Variants in RNF152 observed in about 807,000 individuals in gnomAD.
RNF152 encodes E3 ubiquitin-protein ligase RNF152.
Under a neutral mutation model 12.7 loss-of-function variants are expected in RNF152, and 11 were observed. The ratio of observed to expected loss-of-function variants is 0.86; its 90% confidence interval spans 0.54 to 1.43. RNF152 has a LOEUF of 1.43. Ranked by LOEUF, RNF152 falls within the 40% of genes most tolerant of loss-of-function variation. The pLI is 0.00. For synonymous variants in RNF152, 113 were observed against 120.3 expected, an observed-to-expected ratio of 0.94 and a Z score of 0.40; for missense variants, 255 against 274.8, an observed-to-expected ratio of 0.93 and a Z score of 0.51.
chr18:61,877,995 C>A (rs181801778), intron 1 of RNF152, among the ~76,000 whole-genome samples: 1 of 152,322 alleles, frequency 6.6e-6, no homozygotes. Context: ...AACCCAGGTT[C>A]TTTCTGCCAT....
chr18:61,847,272 C>G (rs1340131938), intron 1 of RNF152, among the ~76,000 whole-genome samples: 1 of 152,164 alleles, frequency 6.6e-6, no homozygotes, highest in African/African-American at 2.4e-5. Flanking sequence ...AACATACAAG[C>G]AAATTGGGGC....
chr18:61,833,452 C>A (rs1910042624), intron 1 of RNF152, among the ~76,000 whole-genome samples: 1 of 152,180 alleles, frequency 6.6e-6, no homozygotes, highest in African/African-American at 2.4e-5. Flanking sequence ...AAATCCAATT[C>A]CAGCTTCTAC....
At chr18:61,846,819 CACTAA>C (rs1480792674) in intron 1 of RNF152, among the ~76,000 whole-genome samples, 2 of 152,268 alleles carry the variant, frequency 1.3e-5, no homozygotes, top group East Asian at 3.9e-4. Context: ...TATCTAGAAG[CACTAA>C]ACTGCCTGCA....
At position 61,810,390 on chromosome 18, in the gene RNF152, A is replaced by C. The variant is rs1912915588; in HGVS notation, c.*5462T>G. 6.6e-6 allele frequency: 1 copy of C among 152,226 alleles called. No individual in the cohort carries two copies. The highest frequency in any genetic ancestry group is 2.4e-5 in the African/African-American group (1 of 41,452). The allele number at this position is 152,226 out of a possible 1,614,324, so 9.4% of individuals were successfully genotyped here. Reference sequence around the variant, plus strand: ...GCTGGGTGCAGTGGCCCATGCCTGTAATCCCAGCACTTTGGGAGGCCGAGG... The same window carrying C: ...GCTGGGTGCAGTGGCCCATGCCTGTCATCCCAGCACTTTGGGAGGCCGAGG... On this transcript the variant is annotated 3_prime_UTR_variant, in exon 2 of 2. Transcript: ENST00000312828.
At chr18:61,882,544 TG>T (rs1381116496) in intron 1 of RNF152, among the ~76,000 whole-genome samples, 1 of 152,242 alleles carries the variant, frequency 6.6e-6, no homozygotes, top group Non-Finnish European at 1.5e-5. Flanking sequence ...TCACTGTTGC[TG>T]GCAATTTGCT....
intron 1 of RNF152, among the ~76,000 whole-genome samples, chr18:61,886,347 G>A (rs1912698661): frequency 6.6e-6 from 1 of 152,130 alleles, no homozygotes; most frequent in South Asian, 2.1e-4. Context: ...GTACAAACAC[G>A]GTGGCAAACA....
upstream of RNF152, chr18:61,893,115 T>A (rs1482463102): frequency 1.3e-5 from 2 of 151,572 alleles, no homozygotes; most frequent in Admixed American, 6.6e-5. Context: ...ACCTCCCCCC[T>A]CCTCCGCAGT....
chr18:61,878,319 T>C (rs1912308452), intron 1 of RNF152, among the ~76,000 whole-genome samples: 1 of 152,108 alleles, frequency 6.6e-6, no homozygotes, highest in Admixed American at 6.5e-5. Flanking sequence ...CACAGGACGG[T>C]CTTCCCACAA....
intron 1 of RNF152, among the ~76,000 whole-genome samples, chr18:61,822,290 T>C (rs899298798): frequency 6.6e-6 from 1 of 152,130 alleles, no homozygotes; most frequent in Non-Finnish European, 1.5e-5. Flanking sequence ...AGTACATAGT[T>C]ACATAAATAA....
rs549635296 is a variant in RNF152 at position 61,809,559 on chromosome 18, A to G, written c.*6293T>C. On this transcript the variant is annotated 3_prime_UTR_variant, in exon 2 of 2. Transcript: ENST00000312828. ...CAAGGAGATTACAGAAGACTTTCACATGGGCTACTAGCCCTACATCCCATG... is the reference window on the plus strand; with the variant it reads ...CAAGGAGATTACAGAAGACTTTCACGTGGGCTACTAGCCCTACATCCCATG... 6.6e-6 allele frequency: 1 copy of G among 152,332 alleles called. No homozygotes were observed. The highest frequency in any genetic ancestry group is 2.1e-4 in the South Asian group (1 of 4,828). The allele number at this position is 152,332 out of a possible 1,614,324, so 9.4% of individuals were successfully genotyped here.
chr18:61,844,209 A>AGGAGGGAGGGAC (rs1910643998), intron 1 of RNF152, among the ~76,000 whole-genome samples: 1 of 92,434 alleles, frequency 1.1e-5, no homozygotes, highest in African/African-American at 3.7e-5. Flanking sequence ...GAGGGAGGGA[A>AGGAGGGAGGGAC]GGAGGGAGGG....
rs979449550 is a variant in RNF152 at position 61,815,090 on chromosome 18, T to C, written c.*762A>G. The stretch of plus-strand genomic sequence containing the variant: ...ATATTTACATTTGAAATTCTTATTT[T>C]GTGAGATGGCTTGAGGAAAATCGGC... On this transcript the variant is annotated 3_prime_UTR_variant, in exon 2 of 2. Coordinates refer to ENST00000312828, the MANE Select transcript of RNF152 (RefSeq NM_173557.3). 1.3e-5 allele frequency: 2 copies of C among 152,636 alleles called. No individual in the cohort carries two copies. Among genetic ancestry groups the C allele is most frequent in the Non-Finnish European group, 2.9e-5 (2 of 68,050 alleles). The allele number at this position is 152,636 out of a possible 1,614,324, so 9.5% of individuals were successfully genotyped here.
chr18:61,815,681 G>T lies in RNF152; in HGVS notation c.*171C>A. The T allele has an allele frequency of 1.5e-6, 1 of 650,336 alleles. No homozygotes were observed. Among genetic ancestry groups the T allele is most frequent in the Non-Finnish European group, 2.6e-6 (1 of 379,566 alleles). 40.3% of individuals were successfully genotyped at this position (650,336 alleles called of 1,614,324 possible). A position where few individuals can be genotyped will look rare whatever the true frequency, so the allele number is the denominator to read the frequency against. On this transcript the variant is annotated 3_prime_UTR_variant, in exon 2 of 2. Coordinates refer to ENST00000312828, the MANE Select transcript of RNF152 (RefSeq NM_173557.3). ...AACAATTCACCTGGTATCTTGTTGA[G>T]ACCGCACCTTCTGCCCTTTGTGTCT...
At position 61,815,404 on chromosome 18, in the gene RNF152, C is replaced by CTGGGTTT. The variant is rs1909013887; in HGVS notation, c.*447_*448insAAACCCA. On this transcript the variant is annotated 3_prime_UTR_variant, in exon 2 of 2. Coordinates refer to ENST00000312828, the MANE Select transcript of RNF152 (RefSeq NM_173557.3). ...TAAAAAGAAAAAAAAAATAAAGAAGCCAGCAGTGCATGTCTTCACTGAATT... is the reference window on the plus strand; with the variant it reads ...TAAAAAGAAAAAAAAAATAAAGAAGCTGGGTTTCAGCAGTGCATGTCTTCACTGAATT... 1 of 152,922 alleles carries CTGGGTTT rather than the reference C, an allele frequency of 6.5e-6. No homozygotes were observed. Among genetic ancestry groups the CTGGGTTT allele is most frequent in the South Asian group, 2.1e-4 (1 of 4,840 alleles). The allele number at this position is 152,922 out of a possible 1,614,324, so 9.5% of individuals were successfully genotyped here.
chr18:61,873,746 G>A (rs113366616), intron 1 of RNF152, among the ~76,000 whole-genome samples: 24 of 152,236 alleles, frequency 1.6e-4, no homozygotes, highest in Non-Finnish European at 2.5e-4. Flanking sequence ...TCAAAAGTCC[G>A]TTATGAACAT....
intron 1 of RNF152, among the ~76,000 whole-genome samples, chr18:61,871,759 G>A (rs1912007043): frequency 6.6e-6 from 1 of 152,170 alleles, no homozygotes; most frequent in Non-Finnish European, 1.5e-5. Flanking sequence ...CCACCTTGGA[G>A]CTGCAGAGCC....
In RNF152 at chr18:61,816,126, A is replaced by G. The variant is rs759676143; in HGVS notation, c.338T>C (p.Leu113Pro). The part of the protein sequence containing the change: ...PLPISKERAL[L>P]PGDMGCRLLP... ...CAGGCGGCAGCCCATGTCTCCGGGC[A>G]GCAGCGCACGCTCCTTGGAGATGGG... Residue 113 changes from leucine (L) to proline (P), a missense_variant, in exon 2 of 2, where the codon CTG (leucine) becomes CCG (proline). Leu to Pro is a moderately conservative substitution (Grantham distance 98). Transcript: ENST00000312828. The G allele has an allele frequency of 2.5e-6, 4 of 1,614,198 alleles. No individual in the cohort carries two copies. Among genetic ancestry groups the G allele is most frequent in the Non-Finnish European group, 3.4e-6 (4 of 1,180,024 alleles).
At chr18:61,844,117 AG>A (rs1189982054) in intron 1 of RNF152, among the ~76,000 whole-genome samples, 8 of 136,816 alleles carry the variant, frequency 5.8e-5, no homozygotes, top group Non-Finnish European at 1.0e-4. Flanking sequence ...AAAGAAAGAA[AG>A]AAAGAAAGAA....
At chr18:61,870,354 T>C (rs1911936272) in intron 1 of RNF152, among the ~76,000 whole-genome samples, 1 of 152,206 alleles carries the variant, frequency 6.6e-6, no homozygotes, top group Non-Finnish European at 1.5e-5. Flanking sequence ...GAAATCTTCA[T>C]GTCTGATGCA....
Sources: allele counts gnomAD v4.1 joint callset (sites outside exome capture counted in the v4.1 genomes callset), GRCh38; gene constraint gnomAD v4.1.1; transcripts MANE v1.5; gene names NCBI Gene and HGNC (gene_info 2026-07-23, HGNC 2026-07-21).